The following GPC6 variants were observed in gnomAD, a reference collection of about 807,000 sequenced individuals.
GPC6 encodes the protein glypican 6.
GPC6 carries 14 observed loss-of-function variants against 55.2 expected under a neutral mutation model. The observed-to-expected ratio is 0.25, with a 90% CI of 0.17 to 0.40. The LOEUF (loss-of-function observed/expected upper bound fraction) is 0.40, where lower values mean the gene tolerates loss of function less well. Among genes scored for constraint, GPC6 ranks in the 10% least tolerant of loss-of-function variants. The pLI is 1.00. For missense variants in GPC6, 641 were observed against 708.5 expected, an observed-to-expected ratio of 0.90 and a Z score of 1.08; for synonymous variants, 278 against 259.6, an observed-to-expected ratio of 1.07 and a Z score of -0.68.
intron 3 of GPC6, among the ~76,000 whole-genome samples, chr13:93,921,414 G>A (rs1176509793): frequency 6.6e-6 from 1 of 152,132 alleles, no homozygotes; most frequent in Non-Finnish European, 1.5e-5. Context: ...CATACAGGAA[G>A]AATCAGGTCA....
intron 1 of GPC6, among the ~76,000 whole-genome samples, chr13:93,410,438 A>G (rs1204281245): frequency 6.6e-6 from 1 of 152,180 alleles, no homozygotes; most frequent in Non-Finnish European, 1.5e-5. Flanking sequence ...GCTCACGGGT[A>G]CTAATAGGGA....
At chr13:94,322,670 A>T (rs1054792708) in intron 6 of GPC6, among the ~76,000 whole-genome samples, 1 of 152,162 alleles carries the variant, frequency 6.6e-6, no homozygotes, top group Non-Finnish European at 1.5e-5. Context: ...GAAAACAAAA[A>T]TAATATGTGC....
At chr13:93,797,922 T>A (rs1425106505) in intron 2 of GPC6, among the ~76,000 whole-genome samples, 2 of 152,112 alleles carry the variant, frequency 1.3e-5, no homozygotes, top group African/African-American at 4.8e-5. Context: ...GCACAAGAGT[T>A]GGTTTTAACA....
At chr13:93,430,455 A>G (rs748963047) in intron 1 of GPC6, among the ~76,000 whole-genome samples, 9 of 152,136 alleles carry the variant, frequency 5.9e-5, no homozygotes, top group Non-Finnish European at 4.4e-5. Flanking sequence ...GCCATGCCCA[A>G]AGAAAAAGAG....
chr13:94,095,567 G>C (rs1004907794), intron 4 of GPC6, among the ~76,000 whole-genome samples: 1 of 152,060 alleles, frequency 6.6e-6, no homozygotes, highest in Non-Finnish European at 1.5e-5. Context: ...ACACTTTCAG[G>C]GTATTTGAAT....
chr13:93,504,131 A>C (rs1215269973), intron 1 of GPC6, among the ~76,000 whole-genome samples: 2 of 152,198 alleles, frequency 1.3e-5, no homozygotes, highest in Admixed American at 6.5e-5. Flanking sequence ...AGGAGAGAGA[A>C]AATGATCAAT....
At chr13:93,859,605 AAGAT>A (rs1468300846) in intron 3 of GPC6, among the ~76,000 whole-genome samples, 2 of 151,700 alleles carry the variant, frequency 1.3e-5, no homozygotes, top group Non-Finnish European at 3.0e-5. Flanking sequence ...GACCAAGAGA[AAGAT>A]AGCACGTATA....
chr13:93,646,170 A>T (rs1240531862), intron 2 of GPC6, among the ~76,000 whole-genome samples: 2 of 152,192 alleles, frequency 1.3e-5, no homozygotes, highest in African/African-American at 4.8e-5. Context: ...ATCTGCAGTC[A>T]TATCAAATAA....
At chr13:93,339,181 C>G (rs1181646050) in intron 1 of GPC6, among the ~76,000 whole-genome samples, 3 of 152,084 alleles carry the variant, frequency 2.0e-5, no homozygotes, top group Non-Finnish European at 4.4e-5. Flanking sequence ...TAAGCAAATA[C>G]AGAACAAATT....
intron 2 of GPC6, among the ~76,000 whole-genome samples, chr13:93,630,348 C>T (rs527882570): frequency 2.6e-5 from 4 of 152,272 alleles, no homozygotes; most frequent in East Asian, 1.9e-4. Context: ...CCAACTTCTA[C>T]GGACACTTCT....
chr13:93,886,503 T>A (rs541553947), intron 3 of GPC6, among the ~76,000 whole-genome samples: 33 of 151,864 alleles, frequency 2.2e-4, no homozygotes, highest in Admixed American at 1.8e-3. Context: ...AAAAAAAAAA[T>A]TATTCTGATC....
At chr13:94,272,485 T>G in intron 4 of GPC6, among the ~76,000 whole-genome samples, 1 of 110,988 alleles carries the variant, frequency 9.0e-6, no homozygotes, top group South Asian at 2.8e-4. Context: ...TTTTTTTTTT[T>G]TGAAACAGAG....
At chr13:93,847,681 CT>C (rs1250791299) in intron 3 of GPC6, among the ~76,000 whole-genome samples, 1 of 152,104 alleles carries the variant, frequency 6.6e-6, no homozygotes, top group East Asian at 1.9e-4. Flanking sequence ...GAGGAAGGAT[CT>C]TCTCATTAGG....
At chr13:94,247,715 G>A (rs1422090174) in intron 4 of GPC6, among the ~76,000 whole-genome samples, 1 of 152,110 alleles carries the variant, frequency 6.6e-6, no homozygotes, top group East Asian at 1.9e-4. Context: ...TAATCATGAT[G>A]TATAATCATT....
At chr13:93,891,036 T>G (rs772399087) in intron 3 of GPC6, among the ~76,000 whole-genome samples, 126 of 152,056 alleles carry the variant, frequency 8.3e-4, no homozygotes, top group Non-Finnish European at 1.6e-3. Context: ...AACCTATCAG[T>G]GGAAATACAA....
chr13:93,363,472 T>A (rs1259063381), intron 1 of GPC6, among the ~76,000 whole-genome samples: 9 of 152,150 alleles, frequency 5.9e-5, no homozygotes, highest in Admixed American at 1.3e-4. Flanking sequence ...ACTCATCATT[T>A]TTTATGGCTG....
At chr13:93,450,765 GA>G in intron 1 of GPC6, 1 of 881,950 alleles carries the variant, frequency 1.1e-6, no homozygotes, top group Non-Finnish European at 1.4e-6. Flanking sequence ...GAACCTTTAG[GA>G]AATAGTTTAT....
chr13:93,411,389 C>T (rs886860003), intron 1 of GPC6, among the ~76,000 whole-genome samples: 2 of 152,158 alleles, frequency 1.3e-5, no homozygotes, highest in Non-Finnish European at 2.9e-5. Context: ...TTGGGCTGTA[C>T]TTTGTGTCAG....
chr13:93,424,052 A>G (rs956369794), intron 1 of GPC6, among the ~76,000 whole-genome samples: 2 of 152,040 alleles, frequency 1.3e-5, no homozygotes, highest in Admixed American at 6.6e-5. Context: ...TTTTTTCCAG[A>G]TACATTTTAA....
Sources: gnomAD v4.1 joint callset for allele counts (sites outside exome capture counted in the v4.1 genomes callset) on GRCh38, gnomAD v4.1.1 for gene constraint, MANE v1.5 for transcripts, NCBI Gene and HGNC (gene_info 2026-07-23, HGNC 2026-07-21) for gene names.